The following HERC1 variants were observed in gnomAD, a reference collection of about 807,000 sequenced individuals.
HERC1 encodes probable E3 ubiquitin-protein ligase HERC1.
In HERC1, 160 loss-of-function variants were observed where a neutral mutation model predicts 554.3. The ratio of observed to expected loss-of-function variants is 0.29; its 90% confidence interval spans 0.25 to 0.33. HERC1 has a LOEUF of 0.33. HERC1 is among the 10% of genes least tolerant of loss of function. The pLI, the probability that HERC1 is intolerant of heterozygous loss-of-function variation, is 1.00. For synonymous variants in HERC1, 2,175 were observed against 2,131.7 expected (o/e 1.02, Z -0.56); for missense variants, 4,919 against 5,918.5 (o/e 0.83, Z 5.54).
intron 25 of HERC1, among the ~76,000 whole-genome samples, chr15:63,706,106 T>C (rs1262855091): frequency 6.6e-6 from 1 of 151,054 alleles, no homozygotes; most frequent in Admixed American, 6.6e-5. Flanking sequence ...TAGTTATCAT[T>C]GGATTTACAC....
In HERC1 at chr15:63,654,095, A is replaced by C. The variant is rs370277469; in HGVS notation, c.10290+24T>G. On this transcript the variant is annotated intron_variant, in intron 51 of 77. Transcript: ENST00000443617. ...TTTCATCTTACATAACGTGATTAAC[A>C]CACTTTCCACTCAAAATACTTACTC... The C allele has an allele frequency of 1.1e-5, 17 of 1,569,968 alleles. No individual in the cohort carries two copies. In the African/African-American group the frequency reaches 2.2e-4, roughly 20 times the overall value.
chr15:63,719,546 T>C (rs887532197), intron 19 of HERC1, among the ~76,000 whole-genome samples: 3 of 152,246 alleles, frequency 2.0e-5, no homozygotes, highest in Non-Finnish European at 2.9e-5. Flanking sequence ...CAACATGATC[T>C]GAGATGTATT....
intron 70 of HERC1, among the ~76,000 whole-genome samples, chr15:63,627,016 A>G (rs189778380): frequency 6.6e-6 from 1 of 152,286 alleles, no homozygotes; most frequent in Admixed American, 6.5e-5. Context: ...AGCCCCAGCA[A>G]TGTGGCCCCA....
intron 47 of HERC1, among the ~76,000 whole-genome samples, chr15:63,659,160 G>C (rs1595910831): frequency 1.3e-5 from 2 of 152,026 alleles, no homozygotes; most frequent in African/African-American, 4.8e-5. Context: ...GTTGGTTACA[G>C]GATTCTCTTA....
chr15:63,731,933 T>A (rs191851252), intron 14 of HERC1, among the ~76,000 whole-genome samples: 4 of 152,312 alleles, frequency 2.6e-5, no homozygotes, highest in Admixed American at 2.0e-4. Context: ...CAATGTACAA[T>A]TCTGGAAAAG....
rs771024088 is a variant in HERC1, at chr15:63,609,132, G to A, written c.14535C>T (p.Tyr4845=). The A allele has an allele frequency of 1.2e-6, 2 of 1,614,002 alleles. No individual in the cohort carries two copies. Among genetic ancestry groups the A allele is most frequent in the Non-Finnish European group, 1.7e-6 (2 of 1,179,876 alleles). The change falls in exon 78 of 78, where the codon TAC becomes TAT. Residue 4845 remains tyrosine, a synonymous_variant. Coordinates refer to ENST00000443617, the MANE Select transcript of HERC1 (RefSeq NM_003922.4). ...CGTTGTCCACGTTTCTCGAGAGCAT[G>A]TAGTTGTCCATGTCGATTGAGCGGC... is the stretch of plus-strand genomic sequence containing the variant. ...NNCRSIDMDN[Y]MLSRNVDNAE...
rs2073640422 is a variant in HERC1, at chr15:63,718,022, A to C, written c.3978+552T>G. 6.6e-6 allele frequency among the ~76,000 whole-genome samples: 1 copy of C among 151,994 alleles called. No individual in the cohort carries two copies. The highest frequency in any genetic ancestry group is 1.5e-5 in the Non-Finnish European group (1 of 67,986). On this transcript the variant is annotated intron_variant, in intron 21 of 77. Transcript: ENST00000443617. The surrounding 1 kb of genome is among the most constrained non-coding windows in gnomAD (Gnocchi z 4.2). ...CTAGTTGTGTCCTCCGGAACAAGGA[A>C]AACATTTATTTCCTCTCTTACAGAG... is the stretch of plus-strand genomic sequence containing the variant.
At chr15:63,702,033 G>A (rs1197888567) in intron 25 of HERC1, among the ~76,000 whole-genome samples, 1 of 152,068 alleles carries the variant, frequency 6.6e-6, no homozygotes, top group East Asian at 1.9e-4. Flanking sequence ...TACAAGTTTG[G>A]TTTTTAAATG....
At chr15:63,785,571 C>T (rs1440274702) in intron 1 of HERC1, among the ~76,000 whole-genome samples, 3 of 152,126 alleles carry the variant, frequency 2.0e-5, no homozygotes, top group Admixed American at 1.3e-4. Flanking sequence ...GAGTTCAAGA[C>T]CAGCCTGCAC....
Position 63,680,060 on chromosome 15 carries a change from G to A in HERC1, c.6549+17C>T. The A allele has an allele frequency of 6.6e-7, 1 of 1,517,062 alleles. No individual in the cohort carries two copies. Among genetic ancestry groups the A allele is most frequent in the Non-Finnish European group, 9.1e-7 (1 of 1,096,148 alleles). 94.0% of individuals were successfully genotyped at this position (1,517,062 alleles called of 1,614,324 possible). A position where few individuals can be genotyped will look rare whatever the true frequency, so the allele number is the denominator to read the frequency against. On this transcript the variant is annotated intron_variant, in intron 36 of 77. Coordinates refer to ENST00000443617, the MANE Select transcript of HERC1 (RefSeq NM_003922.4). The surrounding 1 kb of genome is among the most constrained non-coding windows in gnomAD (Gnocchi z 5.8). ...AAATAACAAATATTCTTAAATAAAG[G>A]TTTGAGACTTCATTACCTTTTCCCC... is the stretch of plus-strand genomic sequence containing the variant.
At chr15:63,624,040 GTACTAT>G in intron 72 of HERC1, 112 bp downstream of exon 72, 1 of 1,229,824 alleles carries the variant, frequency 8.1e-7, no homozygotes, top group South Asian at 1.4e-5. Context: ...ACTAATGTAA[GTACTAT>G]TACTATCTAC....
At chr15:63,621,810 G>A (rs1175881877) in intron 74 of HERC1, among the ~76,000 whole-genome samples, 6 of 152,108 alleles carry the variant, frequency 3.9e-5, no homozygotes, top group East Asian at 1.9e-4. Context: ...CATTCATCAC[G>A]TAGTTTTCGT....
At chr15:63,742,262 T>G (rs543581249) in intron 12 of HERC1, among the ~76,000 whole-genome samples, 1 of 152,342 alleles carries the variant, frequency 6.6e-6, no homozygotes, top group East Asian at 1.9e-4. Flanking sequence ...CATAAACTTG[T>G]TTCCTTAATT....
At chr15:63,729,687 C>T in intron 14 of HERC1, 38 bp from the exon 15 acceptor site, 1 of 1,601,750 alleles carries the variant, frequency 6.2e-7, no homozygotes, top group Non-Finnish European at 8.5e-7. Context: ...ATTTGAAGTG[C>T]TTGAAACTGA....
At chr15:63,617,006 C>CT (rs569316030) in intron 74 of HERC1, among the ~76,000 whole-genome samples, 175 of 144,024 alleles carry the variant, frequency 1.2e-3, no homozygotes, top group African/African-American at 2.1e-3. Flanking sequence ...AAATCATTAT[C>CT]TTTTTTTTTT....
Position 63,729,321 on chromosome 15 carries a change from C to A in HERC1, c.3069G>T (p.Leu1023Phe), listed in dbSNP as rs776273754. The A allele has an allele frequency of 6.2e-7, 1 of 1,610,802 alleles. No homozygotes were observed. The highest frequency in any genetic ancestry group is 8.5e-7 in the Non-Finnish European group (1 of 1,178,458). ...ALLHKHLQLL[L>F]PHATDIYSRS... is the part of the protein sequence containing the mutation. ...GTGAATAAATATCTGTGGCATGAGG[C>A]AACAAAAGCTGAAGATGTTTATGAA... The change falls in exon 16 of 78, where the codon TTG becomes TTT. Residue 1023 changes from leucine to phenylalanine, a missense_variant. By Grantham distance (22) the Leu-to-Phe change is conservative (BLOSUM62 0). Transcript: ENST00000443617.
chr15:63,620,873 G>C (rs2068046504), intron 74 of HERC1, among the ~76,000 whole-genome samples: 1 of 151,792 alleles, frequency 6.6e-6, no homozygotes, highest in Non-Finnish European at 1.5e-5. Context: ...CCTTTATTTT[G>C]AGCCTATATG....
At chr15:63,654,094 C>T in intron 51 of HERC1, 25 bp downstream of exon 51, 2 of 1,566,886 alleles carry the variant, frequency 1.3e-6, no homozygotes, top group South Asian at 2.2e-5. Flanking sequence ...ACGTGATTAA[C>T]ACACTTTCCA....
Position 63,640,293 on chromosome 15 carries a change from A to G in HERC1, c.11760T>C (p.Asn3920=), listed in dbSNP as rs770248497. The change falls in exon 61 of 78, where the codon AAT becomes AAC. Residue 3920 remains asparagine (N), a synonymous_variant. Transcript: ENST00000443617. ...ATTCTAACCAGGCCCATTCATTTGGATTCCAGGATGCAGGGTCAGGGAGAC... is the reference window on the plus strand; with the variant it reads ...ATTCTAACCAGGCCCATTCATTTGGGTTCCAGGATGCAGGGTCAGGGAGAC... ...QNCLPDPASW[N]PNEWAWLECF... 5 of 1,613,898 alleles carry G rather than the reference A, an allele frequency of 3.1e-6. No individual in the cohort carries two copies. Among genetic ancestry groups the G allele is most frequent in the Non-Finnish European group, 4.2e-6 (5 of 1,179,832 alleles).
Sources: allele counts gnomAD v4.1 joint callset (sites outside exome capture counted in the v4.1 genomes callset), GRCh38; gene constraint gnomAD v4.1.1; non-coding constraint Gnocchi (gnomAD v3.1); transcripts MANE v1.5; gene names NCBI Gene and HGNC (gene_info 2026-07-23, HGNC 2026-07-21).